RGS3: variants seen among roughly 807,000 people sequenced by gnomAD.
RGS3 encodes regulator of G-protein signalling 3.
RGS3 carries 80 observed loss-of-function variants against 132.6 expected under a neutral mutation model. The observed-to-expected ratio is 0.60, with a 90% CI of 0.50 to 0.73. RGS3 has a LOEUF of 0.73. RGS3 is among the 30% of genes least tolerant of loss of function. RGS3 has a pLI of 0.00. For synonymous variants in RGS3, 598 were observed against 620.6 expected (o/e 0.96, Z 0.54); for missense variants, 1,382 against 1,530.8 (o/e 0.90, Z 1.62).
chr9:113,518,358 A>G (rs1333418539), intron 16 of RGS3, among the ~76,000 whole-genome samples: 1 of 152,188 alleles, frequency 6.6e-6, no homozygotes, highest in African/African-American at 2.4e-5. Context: ...GGGTAGTGGA[A>G]AGATCAGGAA....
In RGS3 at chr9:113,565,905, GTGTGTGTGTGTCTGTC is replaced by G. The variant is rs1833982991; in HGVS notation, c.2038-17541_2038-17526del. On this transcript the variant is annotated intron_variant, in intron 19 of 24. Transcript: ENST00000350696. The surrounding 1 kb of genome is among the most constrained non-coding windows in gnomAD (Gnocchi z 5.7). The stretch of plus-strand genomic sequence containing the variant: ...TGTGTGTGTGTGTGTGTGTGTGTGT[GTGTGTGTGTGTCTGTC>G]TGTCTGTCTGTCTCAGGGGCTGGGA... 6.7e-6 allele frequency among the ~76,000 whole-genome samples: 1 copy of G among 148,736 alleles called. No homozygotes were observed. The highest frequency in any genetic ancestry group is 2.5e-5 in the African/African-American group (1 of 40,766).
Position 113,463,653 on chromosome 9 carries a change from A to C in RGS3, c.415+1452A>C. 7.8e-7 allele frequency: 1 copy of C among 1,280,896 alleles called. No individual in the cohort carries two copies. Among genetic ancestry groups the C allele is most frequent in the Non-Finnish European group, 9.9e-7 (1 of 1,008,270 alleles). The allele number at this position is 1,280,896 out of a possible 1,614,324, so 79.3% of individuals were successfully genotyped here. On this transcript the variant is annotated intron_variant, in intron 3 of 24. Coordinates refer to ENST00000350696, the Ensembl canonical transcript of RGS3. The surrounding 1 kb of genome is among the most constrained non-coding windows in gnomAD (Gnocchi z 4.6). ...TCCCCATTCAAACCCGCGCGGGCCA[A>C]TCAGGGCCGGGCGCGCCCTGGCCGT...
chr9:113,536,740 C>T (rs1427020510), intron 18 of RGS3, 56 bp from the exon 17 acceptor site: 4 of 1,589,898 alleles, frequency 2.5e-6, no homozygotes, highest in African/African-American at 2.7e-5. Flanking sequence ...GCCTGGGAGC[C>T]CCCTGAACCA....
intron 16 of RGS3, among the ~76,000 whole-genome samples, chr9:113,518,864 G>T (rs1831802507): frequency 6.6e-6 from 1 of 152,172 alleles, no homozygotes; most frequent in Non-Finnish European, 1.5e-5. Context: ...TATGTTTGGT[G>T]AATGAGAGTG....
intron 5 of RGS3, 134 bp downstream of exon 3, chr9:113,483,251 T>TAAATGCCTATTGAGA: frequency 1.5e-6 from 1 of 675,908 alleles, no homozygotes; most frequent in Non-Finnish European, 2.6e-6. Flanking sequence ...ATCTTCTCAA[T>TAAATGCCTATTGAGA]AGGCATTTAT....
chr9:113,467,773 A>G (rs919367778), intron 3 of RGS3, among the ~76,000 whole-genome samples: 1 of 152,086 alleles, frequency 6.6e-6, no homozygotes, highest in Admixed American at 6.6e-5. Flanking sequence ...TGGCATGATC[A>G]TGGCTCCTCT....
At chr9:113,483,470 CAGATTT>C (rs1357363797) in intron 5 of RGS3, among the ~76,000 whole-genome samples, 3 of 152,140 alleles carry the variant, frequency 2.0e-5, no homozygotes, top group African/African-American at 7.2e-5. Context: ...GCAGGATGGC[CAGATTT>C]GGGCAGTAGA....
Position 113,497,298 on chromosome 9 carries a change from C to T in RGS3, c.751-16C>T. The T allele has an allele frequency of 2.5e-6, 4 of 1,603,372 alleles. No individual in the cohort carries two copies. The highest frequency in any genetic ancestry group is 3.4e-6 in the Non-Finnish European group (4 of 1,171,102). On this transcript the variant is annotated splice_polypyrimidine_tract_variant and intron_variant, in intron 8 of 24. Coordinates refer to ENST00000350696, the Ensembl canonical transcript of RGS3. Reference sequence around the variant, plus strand: ...GCCTCCTGTGTCTGAGCGTGCCATTCCTTCTCTCGTGACAGGAGATCAGTG... The same window carrying T: ...GCCTCCTGTGTCTGAGCGTGCCATTTCTTCTCTCGTGACAGGAGATCAGTG...
intron 19 of RGS3, among the ~76,000 whole-genome samples, chr9:113,553,449 AAAAAAAAAAAATAT>A (rs1476144088): frequency 2.8e-5 from 3 of 106,922 alleles, no homozygotes; most frequent in Non-Finnish European, 3.7e-5. Flanking sequence ...TTTAAAAAAA[AAAAAAAAAAAATAT>A]ATATATATAT....
At chr9:113,462,148 C>T (rs766924376) in exon 3 of RGS3, 2 of 1,614,012 alleles carry the variant, frequency 1.2e-6, no homozygotes, top group South Asian at 2.2e-5. Flanking sequence ...GATGAGTGGA[C>T]TCAAACTTCT....
chr9:113,588,664 C>T (rs1035002811), intron 20 of RGS3, among the ~76,000 whole-genome samples: 9 of 152,198 alleles, frequency 5.9e-5, no homozygotes, highest in African/African-American at 2.2e-4. Flanking sequence ...CACTTTGGCC[C>T]GGCACCTGAC....
exon 7 of RGS3, chr9:113,485,645 A>G (rs1469972767): frequency 4.4e-6 from 7 of 1,599,156 alleles, no homozygotes; most frequent in Admixed American, 1.7e-5. Context: ...GAGGAGGATG[A>G]TCAGAAGCGT....
At chr9:113,536,851 T>A in exon 19 of RGS3, 1 of 1,613,988 alleles carries the variant, frequency 6.2e-7, no homozygotes, top group Non-Finnish European at 8.5e-7. Flanking sequence ...AAGAAGAGAG[T>A]GTGCTGGTGC....
chr9:113,513,234 A>G (rs1831483837), intron 14 of RGS3, among the ~76,000 whole-genome samples: 1 of 152,120 alleles, frequency 6.6e-6, no homozygotes, highest in African/African-American at 2.4e-5. Flanking sequence ...AAACGTGTGC[A>G]CCACCCCTTG....
chr9:113,491,351 C>T (rs928950127), intron 7 of RGS3, among the ~76,000 whole-genome samples: 5 of 151,488 alleles, frequency 3.3e-5, no homozygotes, highest in African/African-American at 1.2e-4. Context: ...TCCCAGGTAG[C>T]GATTCTCTGG....
exon 1 of RGS3, chr9:113,444,846 TAGAAA>T (rs1417308492): frequency 1.3e-5 from 2 of 152,326 alleles, no homozygotes; most frequent in East Asian, 3.9e-4. Context: ...CACGGCTATG[TAGAAA>T]AGAATTGACT....
chr9:113,572,429 G>A (rs184465006), intron 19 of RGS3, among the ~76,000 whole-genome samples: 3 of 152,112 alleles, frequency 2.0e-5, no homozygotes, highest in Non-Finnish European at 2.9e-5. Context: ...CCTGAGGCTC[G>A]GGAGGGTGAC....
intron 18 of RGS3, among the ~76,000 whole-genome samples, chr9:113,533,136 C>T (rs936202079): frequency 6.6e-6 from 1 of 152,218 alleles, no homozygotes; most frequent in African/African-American, 2.4e-5. Flanking sequence ...TGAACCTTGG[C>T]CATTCCCTTC....
intron 3 of RGS3, among the ~76,000 whole-genome samples, chr9:113,477,216 C>T (rs1830021971): frequency 1.3e-5 from 2 of 152,004 alleles, no homozygotes; most frequent in South Asian, 2.1e-4. Flanking sequence ...TGGAGAGTGC[C>T]ATAACCCCTG....
Sources: allele counts gnomAD v4.1 joint callset (sites outside exome capture counted in the v4.1 genomes callset), GRCh38; gene constraint gnomAD v4.1.1; non-coding constraint Gnocchi (gnomAD v3.1); transcripts MANE v1.5; gene names NCBI Gene and HGNC (gene_info 2026-07-23, HGNC 2026-07-21).